Variants in GNE observed in about 807,000 individuals in gnomAD.
GNE encodes the protein glucosamine (UDP-N-acetyl)-2-epimerase/N-acetylmannosamine kinase.
Under a neutral mutation model 61.8 loss-of-function variants are expected in GNE, and 41 were observed. That is an observed-to-expected ratio of 0.66 (90% CI 0.52 to 0.86). The LOEUF is 0.86. Ranked by LOEUF, GNE falls within the 40% of genes least tolerant of loss-of-function variation. The pLI, the probability that GNE is intolerant of heterozygous loss-of-function variation, is 0.00. For synonymous variants in GNE, 264 were observed against 326.4 expected (o/e 0.81, Z 2.06); for missense variants, 608 against 909.1 (o/e 0.67, Z 4.26).
Position 36,238,246 on chromosome 9 carries a change from C to T in GNE, c.617-1262G>A, listed in dbSNP as rs191227094. ...TGTGAATTGTGCTGCTATAAACATGCGTGTGCAAGTATCTTTTTCAAATAA... is the reference window on the plus strand; with the variant it reads ...TGTGAATTGTGCTGCTATAAACATGTGTGTGCAAGTATCTTTTTCAAATAA... On this transcript the variant is annotated intron_variant, in intron 3 of 11. Transcript: ENST00000642385. Among the ~76,000 whole-genome samples, 876 of 152,168 alleles carry T rather than the reference C, an allele frequency of 5.8e-3. 11 individuals are homozygous for T. Among genetic ancestry groups the T allele is most frequent in the African/African-American group, 0.019 (806 of 41,506 alleles).
At chr9:36,272,640 AAAAAAG>A (rs1283490010) in intron 1 of GNE, among the ~76,000 whole-genome samples, 2 of 150,778 alleles carry the variant, frequency 1.3e-5, no homozygotes, top group African/African-American at 2.4e-5. Context: ...AAAAAAAAAA[AAAAAAG>A]AACTACAGAA....
intron 1 of GNE, among the ~76,000 whole-genome samples, chr9:36,254,413 T>A (rs1026077307): frequency 6.6e-6 from 1 of 151,940 alleles, no homozygotes; most frequent in Non-Finnish European, 1.5e-5. Flanking sequence ...ACACCTGCGG[T>A]CCTAGCTATT....
intron 1 of GNE, among the ~76,000 whole-genome samples, chr9:36,264,424 C>G (rs965126293): frequency 6.6e-6 from 1 of 152,118 alleles, no homozygotes; most frequent in Admixed American, 6.6e-5. Flanking sequence ...CATGAGCCAC[C>G]GTGCCTGGCC....
chr9:36,258,916 G>A (rs1450886232), upstream of GNE, among the ~76,000 whole-genome samples: 1 of 152,204 alleles, frequency 6.6e-6, no homozygotes. Flanking sequence ...CTGGTGGAGT[G>A]TGAATTGATG....
In GNE at chr9:36,249,316, C is replaced by T. The variant is rs1316459869; in HGVS notation, c.40G>A (p.Val14Ile). Residue 14 changes from valine (V) to isoleucine (I), a missense_variant, in exon 2 of 12, where the codon GTT (valine) becomes ATT (isoleucine). By Grantham distance (29) the Val-to-Ile change is conservative. Transcript: ENST00000642385. ...TAATCTGCACGGTTACAAGTAGCAA[C>T]ACAAACCCGCAGCTTTCGGTTATTT... is the stretch of plus-strand genomic sequence containing the variant. Reference protein sequence around the residue: ...NGNNRKLRVCVATCNRADYSK... With the variant: ...NGNNRKLRVCIATCNRADYSK... The T allele has an allele frequency of 6.2e-7, 1 of 1,613,892 alleles. No homozygotes were observed. The highest frequency in any genetic ancestry group is 2.2e-5 in the East Asian group (1 of 44,896).
chr9:36,229,503 C>G (rs1829043933), intron 5 of GNE, among the ~76,000 whole-genome samples: 1 of 152,150 alleles, frequency 6.6e-6, no homozygotes, highest in South Asian at 2.1e-4. Flanking sequence ...ACTTTCCCTC[C>G]AGACATTTCC....
intron 7 of GNE, among the ~76,000 whole-genome samples, chr9:36,225,811 A>T (rs1458047048): frequency 6.6e-6 from 1 of 152,194 alleles, no homozygotes; most frequent in East Asian, 1.9e-4. Context: ...AGAATAAAAA[A>T]TCTAGAGTAG....
intron 1 of GNE, among the ~76,000 whole-genome samples, chr9:36,275,281 G>A (rs1831219990): frequency 1.3e-5 from 2 of 152,012 alleles, no homozygotes; most frequent in Admixed American, 6.6e-5. Flanking sequence ...CCTCCTTTCT[G>A]TCTCACATTC....
rs200510046 is a variant in GNE at position 36,265,301 on chromosome 9, A to G, written c.51+11593T>C. The G allele has an allele frequency of 8.5e-5, 37 of 435,614 alleles. No individual in the cohort carries two copies. In the East Asian group the frequency reaches 1.6e-3, roughly 18 times the overall value. The allele number at this position is 435,614 out of a possible 1,614,324, so 27.0% of individuals were successfully genotyped here. A position where few individuals can be genotyped will look rare whatever the true frequency, so the allele number is the denominator to read the frequency against. ...ATTCCTTGGAATCCGTGGGGCCAAG[A>G]ACCCCAGGTCAGAGAACGAGAGGCT... On this transcript the variant is annotated intron_variant, in intron 1 of 11. Coordinates refer to the GNE transcript ENST00000396594.
Position 36,246,358 on chromosome 9 carries a change from C to T in GNE, c.289G>A (p.Asp97Asn). Residue 97 changes from aspartate (D) to asparagine (N), a missense_variant, in exon 3 of 12, where the codon GAT (aspartate) becomes AAT (asparagine). Transcript: ENST00000642385. ...SVGLALVKLPDVLNRLKPDIM... is the reference protein window; with the variant it reads ...SVGLALVKLPNVLNRLKPDIM... ...TCAGGCTTCAGGCGATTAAGGACAT[C>T]TGGCAGCTTCACTAGGGCCAGGCCT... 6.2e-7 allele frequency: 1 copy of T among 1,614,036 alleles called. No individual in the cohort carries two copies. The highest frequency in any genetic ancestry group is 8.5e-7 in the Non-Finnish European group (1 of 1,179,872).
chr9:36,233,670 A>G (rs1006261674), intron 5 of GNE, among the ~76,000 whole-genome samples: 1 of 152,076 alleles, frequency 6.6e-6, no homozygotes, highest in African/African-American at 2.4e-5. Context: ...CCATCTCAAA[A>G]AAAAAAAAAG....
intron 5 of GNE, among the ~76,000 whole-genome samples, chr9:36,230,788 A>T (rs1829110977): frequency 6.6e-6 from 1 of 151,808 alleles, no homozygotes; most frequent in African/African-American, 2.4e-5. Context: ...GAGATAAAAT[A>T]TCACTATCTT....
intron 6 of GNE, among the ~76,000 whole-genome samples, chr9:36,228,587 G>T (rs1437470866): frequency 6.6e-6 from 1 of 151,910 alleles, no homozygotes; most frequent in Admixed American, 6.6e-5. Context: ...GAGGTCAGGA[G>T]TTTTGAGACC....
chr9:36,246,389 C>G lies in GNE; in HGVS notation c.258G>C (p.Glu86Asp). The G allele has an allele frequency of 6.2e-7, 1 of 1,613,806 alleles. No individual in the cohort carries two copies. The highest frequency in any genetic ancestry group is 1.3e-5 in the African/African-American group (1 of 75,074). The change falls in exon 3 of 12, where the codon GAG becomes GAC. Residue 86 changes from glutamate (E) to aspartate (D), a missense_variant. Transcript: ENST00000642385. ...VRGEDEAAMVESVGLALVKLP... is the reference protein window; with the variant it reads ...VRGEDEAAMVDSVGLALVKLP... ...GCTTCACTAGGGCCAGGCCTACTGA[C>G]TCCACCATGGCTGCCTCATCTTCTC...
At position 36,215,988 on chromosome 9, in the gene GNE, T is replaced by C. The variant is rs1286040865; in HGVS notation, c.*1377A>G. The C allele has an allele frequency of 3.6e-6, 1 of 280,566 alleles. No individual in the cohort carries two copies. The highest frequency in any genetic ancestry group is 7.2e-6 in the Non-Finnish European group (1 of 139,408). 17.4% of individuals were successfully genotyped at this position (280,566 alleles called of 1,614,324 possible). A position where few individuals can be genotyped will look rare whatever the true frequency, so the allele number is the denominator to read the frequency against. On this transcript the variant is annotated 3_prime_UTR_variant, in exon 12 of 12. Coordinates refer to ENST00000642385, the MANE Select transcript of GNE (RefSeq NM_005476.7). ...CTAAGTCCCAGTGGCTTCTCAGCTG[T>C]CCTAAGAAGATAAGGACAAGGTCAC... is the stretch of plus-strand genomic sequence containing the variant.
At chr9:36,240,370 AG>A (rs1310004751) in intron 3 of GNE, among the ~76,000 whole-genome samples, 1 of 152,212 alleles carries the variant, frequency 6.6e-6, no homozygotes, top group Non-Finnish European at 1.5e-5. Context: ...TTAATCATAA[AG>A]GGATGCTGGA....
At chr9:36,224,338 C>T (rs1479144391) in intron 7 of GNE, among the ~76,000 whole-genome samples, 1 of 151,934 alleles carries the variant, frequency 6.6e-6, no homozygotes, top group African/African-American at 2.4e-5. Flanking sequence ...GGAGGCTAAG[C>T]TGGGAGGATT....
rs1434545465 is a variant in GNE at position 36,215,631 on chromosome 9, T to TG, written c.*1733_*1734insC. The TG allele has an allele frequency of 2.6e-5, 4 of 152,186 alleles. No homozygotes were observed. The highest frequency in any genetic ancestry group is 1.3e-4 in the Admixed American group (2 of 15,272). 9.4% of individuals were successfully genotyped at this position (152,186 alleles called of 1,614,324 possible). Reference sequence around the variant, plus strand: ...TAAAATAAAAATTAAAACACCTACCTCATATGTTGAGATAATTTAGGATAA... The same window carrying TG: ...TAAAATAAAAATTAAAACACCTACCTGCATATGTTGAGATAATTTAGGATAA... On this transcript the variant is annotated 3_prime_UTR_variant, in exon 12 of 12. Transcript: ENST00000642385.
rs765966370 is a variant in GNE at position 36,223,014 on chromosome 9, A to G, written c.1412-16T>C. 1.2e-6 allele frequency: 2 copies of G among 1,606,614 alleles called. No homozygotes were observed. Among genetic ancestry groups the G allele is most frequent in the South Asian group, 2.2e-5 (2 of 90,886 alleles). On this transcript the variant is annotated splice_polypyrimidine_tract_variant and intron_variant, in intron 8 of 11. Coordinates refer to ENST00000642385, the MANE Select transcript of GNE (RefSeq NM_005476.7). ...GTGGAAATGCCTGCGCTCCACCACAAACACAAGGAAATAATGCTGATGAGC... is the reference window on the plus strand; with the variant it reads ...GTGGAAATGCCTGCGCTCCACCACAGACACAAGGAAATAATGCTGATGAGC...
Sources: gnomAD v4.1 joint callset for allele counts (sites outside exome capture counted in the v4.1 genomes callset) on GRCh38, gnomAD v4.1.1 for gene constraint, MANE v1.5 for transcripts, NCBI Gene and HGNC (gene_info 2026-07-23, HGNC 2026-07-21) for gene names.